The following CSMD1 variants were observed in gnomAD, a reference collection of about 807,000 sequenced individuals.
The protein encoded by CSMD1 is CUB and sushi domain-containing protein 1.
Under a neutral mutation model 417.5 loss-of-function variants are expected in CSMD1, and 213 were observed. The ratio of observed to expected loss-of-function variants is 0.51; its 90% CI spans 0.46 to 0.57. The LOEUF (loss-of-function observed/expected upper bound fraction) is 0.57, where lower values mean the gene tolerates loss of function less well. Among genes scored for constraint, CSMD1 ranks in the 20% least tolerant of loss-of-function variants. The pLI is 0.00. For synonymous variants in CSMD1, 2,862 were observed against 1,736.8 expected, an observed-to-expected ratio of 1.65 and a Z score of -16.11; for missense variants, 6,923 against 4,529.7, an observed-to-expected ratio of 1.53 and a Z score of -15.17.
chr8:4,577,699 A>G (rs754453165), intron 2 of CSMD1, among the ~76,000 whole-genome samples: 1 of 152,216 alleles, frequency 6.6e-6, no homozygotes, highest in Non-Finnish European at 1.5e-5. Flanking sequence ...TTGCTCCTTC[A>G]AAGTGCCCTT....
chr8:4,382,003 A>T (rs975050844), intron 3 of CSMD1, among the ~76,000 whole-genome samples: 2 of 152,136 alleles, frequency 1.3e-5, no homozygotes, highest in Non-Finnish European at 2.9e-5. Context: ...AAGATCCCTG[A>T]AAAAGGAAAT....
chr8:4,115,201 C>G (rs1466126727), intron 3 of CSMD1, among the ~76,000 whole-genome samples: 3 of 152,186 alleles, frequency 2.0e-5, no homozygotes, highest in Non-Finnish European at 4.4e-5. Flanking sequence ...CAACTACCAT[C>G]TTGGTAAGTC....
chr8:3,925,313 G>C (rs576838535), intron 5 of CSMD1, among the ~76,000 whole-genome samples: 2 of 152,292 alleles, frequency 1.3e-5, no homozygotes, highest in African/African-American at 2.4e-5. Flanking sequence ...TCAGAGTAAA[G>C]TACTTGTGCA....
intron 3 of CSMD1, among the ~76,000 whole-genome samples, chr8:4,193,440 C>G (rs1217150681): frequency 6.6e-6 from 1 of 151,772 alleles, no homozygotes; most frequent in African/African-American, 2.4e-5. Flanking sequence ...ATCCAGGTAC[C>G]CATGCCAGGT....
At position 3,830,688 on chromosome 8, in the gene CSMD1, A is replaced by C. The variant is rs866337705; in HGVS notation, c.819-76646T>G. ...CACACTCAGAAAACAGAGAGAAAAA[A>C]AATGCCCCAATTCCTCCCAGACCTG... is the stretch of plus-strand genomic sequence containing the variant. On this transcript the variant is annotated intron_variant, in intron 5 of 69. Coordinates refer to ENST00000635120, the MANE Select transcript of CSMD1 (RefSeq NM_033225.6). Among the ~76,000 whole-genome samples, 19 of 152,322 alleles carry C rather than the reference A, an allele frequency of 1.2e-4. 1 individual carries two copies. In the Middle Eastern group the frequency reaches 0.01, roughly 82 times the overall value.
At chr8:4,526,779 A>G (rs938177981) in intron 2 of CSMD1, among the ~76,000 whole-genome samples, 2 of 152,220 alleles carry the variant, frequency 1.3e-5, no homozygotes, top group African/African-American at 4.8e-5. Flanking sequence ...ATTCTCCACA[A>G]CCTGAATTTT....
chr8:3,871,880 G>A (rs1404949951), intron 5 of CSMD1, among the ~76,000 whole-genome samples: 2 of 152,128 alleles, frequency 1.3e-5, no homozygotes, highest in Non-Finnish European at 2.9e-5. Context: ...GAAAATAACA[G>A]GTGTTGATTT....
intron 26 of CSMD1, among the ~76,000 whole-genome samples, chr8:3,277,102 C>T (rs891990053): frequency 1.3e-5 from 2 of 152,082 alleles, no homozygotes; most frequent in South Asian, 4.1e-4. Flanking sequence ...AACACACATC[C>T]AAGCTGAGAG....
intron 1 of CSMD1, among the ~76,000 whole-genome samples, chr8:4,963,801 T>G (rs1227155323): frequency 1.3e-5 from 2 of 152,130 alleles, no homozygotes; most frequent in Non-Finnish European, 2.9e-5. Context: ...TGGTAAGCAA[T>G]AGAATTATTG....
At chr8:3,325,106 A>G (rs1427326368) in intron 23 of CSMD1, among the ~76,000 whole-genome samples, 1 of 152,236 alleles carries the variant, frequency 6.6e-6, no homozygotes, top group Admixed American at 6.5e-5. Context: ...TCTTTTAACG[A>G]CATCATTAAA....
chr8:4,806,063 G>C (rs929389338), intron 1 of CSMD1, among the ~76,000 whole-genome samples: 1 of 151,954 alleles, frequency 6.6e-6, no homozygotes, highest in Non-Finnish European at 1.5e-5. Flanking sequence ...CCGGATTTTC[G>C]GTGTCATTTA....
chr8:4,437,979 C>T (rs1001672298), intron 2 of CSMD1, among the ~76,000 whole-genome samples: 1 of 152,112 alleles, frequency 6.6e-6, no homozygotes, highest in African/African-American at 2.4e-5. Flanking sequence ...TAAATGTTGA[C>T]AGAAACCCAA....
At chr8:4,749,229 G>T (rs930405709) in intron 1 of CSMD1, among the ~76,000 whole-genome samples, 1 of 152,040 alleles carries the variant, frequency 6.6e-6, no homozygotes, top group East Asian at 1.9e-4. Context: ...TTCATTAAAG[G>T]GTTAAATGTT....
intron 1 of CSMD1, among the ~76,000 whole-genome samples, chr8:4,725,121 A>G (rs531896242): frequency 5.3e-5 from 8 of 152,338 alleles, no homozygotes; most frequent in Admixed American, 3.9e-4. Context: ...TGAAAGGTAT[A>G]TATGTTTTAC....
chr8:4,231,845 C>G (rs1801752991), intron 3 of CSMD1, among the ~76,000 whole-genome samples: 1 of 152,190 alleles, frequency 6.6e-6, no homozygotes, highest in Non-Finnish European at 1.5e-5. Flanking sequence ...AATATCTGTA[C>G]ATGTATATGA....
chr8:3,888,446 T>A (rs1335296788), intron 5 of CSMD1, among the ~76,000 whole-genome samples: 1 of 152,120 alleles, frequency 6.6e-6, no homozygotes, highest in Non-Finnish European at 1.5e-5. Context: ...CATGTGCAAA[T>A]GCATAATTAA....
intron 3 of CSMD1, among the ~76,000 whole-genome samples, chr8:4,299,645 C>T (rs1797873783): frequency 1.3e-5 from 2 of 152,054 alleles, no homozygotes; most frequent in Admixed American, 1.3e-4. Flanking sequence ...TCTTTCTTTT[C>T]TTTCTTTGAG....
intron 1 of CSMD1, among the ~76,000 whole-genome samples, chr8:4,804,802 GA>G (rs2117301975): frequency 6.6e-6 from 1 of 152,192 alleles, no homozygotes; most frequent in East Asian, 1.9e-4. Flanking sequence ...ATTCCTAGGG[GA>G]CCTAATACAG....
chr8:4,675,856 G>A (rs1010749446), intron 1 of CSMD1, among the ~76,000 whole-genome samples: 3 of 152,082 alleles, frequency 2.0e-5, no homozygotes, highest in African/African-American at 4.8e-5. Context: ...GTGTAGTAAG[G>A]TGCCTAATTG....
Sources: allele counts gnomAD v4.1 joint callset (sites outside exome capture counted in the v4.1 genomes callset), GRCh38; gene constraint gnomAD v4.1.1; transcripts MANE v1.5; gene names NCBI Gene and HGNC (gene_info 2026-07-23, HGNC 2026-07-21).